ROS1: variants seen among roughly 807,000 people sequenced by gnomAD.
ROS1 encodes the protein proto-oncogene tyrosine-protein kinase ROS.
Under a neutral mutation model 273.5 loss-of-function variants are expected in ROS1, and 263 were observed. That is an observed-to-expected ratio of 0.96 (90% CI 0.87 to 1.06). The LOEUF is 1.06. Among genes scored for constraint, ROS1 ranks in the 50% least tolerant of loss-of-function variants. ROS1 has a pLI of 0.00. For missense variants in ROS1, 2,833 were observed against 2,751.1 expected, an observed-to-expected ratio of 1.03 and a Z score of -0.67; for synonymous variants, 1,008 against 954.1, an observed-to-expected ratio of 1.06 and a Z score of -1.04.
chr6:117,317,840 T>G (rs1020623495), intron 38 of ROS1, among the ~76,000 whole-genome samples: 1 of 152,156 alleles, frequency 6.6e-6, no homozygotes, highest in Non-Finnish European at 1.5e-5. Context: ...TCACTGACAT[T>G]ATAGCATTTG....
chr6:117,384,481 T>C (rs1772404516), intron 16 of ROS1, among the ~76,000 whole-genome samples: 1 of 152,212 alleles, frequency 6.6e-6, no homozygotes, highest in Admixed American at 6.5e-5. Context: ...TTCCCTACTT[T>C]GCCTTCTTTC....
Position 117,357,947 on chromosome 6 carries a change from G to A in ROS1, c.3696C>T (p.His1232=), listed in dbSNP as rs150594506. The A allele has an allele frequency of 5.0e-6, 8 of 1,613,586 alleles. No individual in the cohort carries two copies. The African/African-American group carries it at 6.7e-5, about 13-fold the overall frequency. The change falls in exon 25 of 44, where the codon CAC becomes CAT. Residue 1232 remains histidine, a synonymous_variant. Coordinates refer to ENST00000368507, the MANE Select transcript of ROS1 (RefSeq NM_001378902.1). ...TVITIDWISR[H]LYFALKESQN... is the part of the protein sequence containing the mutation. The stretch of plus-strand genomic sequence containing the variant: ...GTGATTCTTTCAGTGCAAAGTAGAG[G>A]TGCCTTGAAATCCAGTCAATTGTAA...
chr6:117,359,675 A>G, intron 24 of ROS1, 134 bp downstream of exon 24: 1 of 721,522 alleles, frequency 1.4e-6, no homozygotes, highest in Non-Finnish European at 2.3e-6. Context: ...TTGTGGCTAA[A>G]TAATTATACA....
chr6:117,327,132 A>C (rs578109800), intron 33 of ROS1, among the ~76,000 whole-genome samples: 1 of 152,214 alleles, frequency 6.6e-6, no homozygotes, highest in South Asian at 2.1e-4. Context: ...ACTTGGTGCC[A>C]ATCCACGGTA....
intron 7 of ROS1, 80 bp from the exon 8 acceptor site, chr6:117,397,196 G>A (rs529699255): frequency 1.6e-6 from 1 of 614,468 alleles, no homozygotes; most frequent in South Asian, 2.7e-5. Flanking sequence ...AAAAAGTCTT[G>A]TTTTTTTTTT....
chr6:117,342,946 CTT>C (rs945723194), intron 28 of ROS1, among the ~76,000 whole-genome samples: 12 of 152,108 alleles, frequency 7.9e-5, no homozygotes, highest in African/African-American at 2.9e-4. Flanking sequence ...AGTAAAAAGA[CTT>C]TCCTTAGACC....
In ROS1 at chr6:117,425,738, C is replaced by T. The variant is rs962745335; in HGVS notation, c.-82G>A. The T allele has an allele frequency of 6.9e-6, 10 of 1,438,924 alleles. No individual in the cohort carries two copies. The highest frequency in any genetic ancestry group is 1.9e-5 in the Admixed American group (1 of 52,926). The allele number at this position is 1,438,924 out of a possible 1,614,324, so 89.1% of individuals were successfully genotyped here. ...ATGAATTATTTGGGCTTCATCACTT[C>T]AATTGGAGGAGTAGCTGATGGATTT... On this transcript the variant is annotated 5_prime_UTR_variant, in exon 1 of 44. Coordinates refer to ENST00000368507, the MANE Select transcript of ROS1 (RefSeq NM_001378902.1).
At chr6:117,313,607 C>T (rs1363468550) in intron 39 of ROS1, among the ~76,000 whole-genome samples, 1 of 151,694 alleles carries the variant, frequency 6.6e-6, no homozygotes, top group African/African-American at 2.4e-5. Context: ...ACTTAGGAAG[C>T]TTTTGATTCA....
chr6:117,371,002 A>T (rs1378774241), intron 18 of ROS1, among the ~76,000 whole-genome samples: 3 of 152,212 alleles, frequency 2.0e-5, no homozygotes, highest in Non-Finnish European at 4.4e-5. Context: ...AAAAAGCAAC[A>T]TCCTGTATGT....
chr6:117,315,398 A>T (rs1373936007), intron 39 of ROS1, among the ~76,000 whole-genome samples: 1 of 152,154 alleles, frequency 6.6e-6, no homozygotes, highest in African/African-American at 2.4e-5. Context: ...TAGCAAAGCA[A>T]CTGTTACTTT....
intron 33 of ROS1, chr6:117,328,590 G>A (rs1776815646): frequency 2.4e-6 from 1 of 422,916 alleles, no homozygotes. Flanking sequence ...TAAAGATCAA[G>A]TTGCCAGGAC....
intron 33 of ROS1, chr6:117,328,435 T>G (rs146540424): frequency 3.2e-6 from 1 of 317,166 alleles, no homozygotes; most frequent in Non-Finnish European, 6.0e-6. Context: ...CAGGTTAGAA[T>G]GTATTTCACT....
chr6:117,309,207 C>A (rs1775349462), intron 41 of ROS1, among the ~76,000 whole-genome samples: 1 of 152,162 alleles, frequency 6.6e-6, no homozygotes, highest in Admixed American at 6.5e-5. Flanking sequence ...CACATGCATG[C>A]ACATCCACGC....
chr6:117,340,333 G>A (rs1457085350), intron 31 of ROS1, among the ~76,000 whole-genome samples: 1 of 151,966 alleles, frequency 6.6e-6, no homozygotes, highest in Non-Finnish European at 1.5e-5. Context: ...TAAACATCCT[G>A]GGGAATAACT....
chr6:117,404,220 CAAAAA>C, intron 6 of ROS1, 55 bp downstream of exon 6: 2 of 1,334,218 alleles, frequency 1.5e-6, no homozygotes, highest in South Asian at 2.6e-5. Flanking sequence ...GACTCCGTCT[CAAAAA>C]AAAAAAAAAA....
rs1326405926 is a variant in ROS1, at chr6:117,287,631, A to G, written c.*861T>C. On this transcript the variant is annotated 3_prime_UTR_variant, in exon 44 of 44. Coordinates refer to ENST00000368507, the MANE Select transcript of ROS1 (RefSeq NM_001378902.1). Reference sequence around the variant, plus strand: ...ATATTTTACAGTAGTGATTAAAGACAATATATATCGGCTAGGCATGGTGGC... The same window carrying G: ...ATATTTTACAGTAGTGATTAAAGACGATATATATCGGCTAGGCATGGTGGC... Among the ~76,000 whole-genome samples the G allele has an allele frequency of 6.6e-6, 1 of 152,202 alleles. No individual in the cohort carries two copies. The highest frequency in any genetic ancestry group is 2.4e-5 in the African/African-American group (1 of 41,444).
chr6:117,318,118 G>T (rs2128556668), intron 38 of ROS1, 70 bp downstream of exon 38: 1 of 1,050,692 alleles, frequency 9.5e-7, no homozygotes, highest in Non-Finnish European at 1.5e-6. Context: ...TGTCATTTTG[G>T]GTGTTAAAAA....
chr6:117,363,574 T>C (rs985966092), intron 21 of ROS1, among the ~76,000 whole-genome samples: 10 of 152,176 alleles, frequency 6.6e-5, no homozygotes, highest in Non-Finnish European at 1.3e-4. Flanking sequence ...TGCTATTTAA[T>C]GTTTAACACT....
intron 18 of ROS1, among the ~76,000 whole-genome samples, chr6:117,374,253 A>G (rs1263787547): frequency 6.6e-6 from 1 of 152,258 alleles, no homozygotes; most frequent in Non-Finnish European, 1.5e-5. Context: ...CTATAAGGCT[A>G]TAGTCACCAA....
Sources: gnomAD v4.1 joint callset for allele counts (sites outside exome capture counted in the v4.1 genomes callset) on GRCh38, gnomAD v4.1.1 for gene constraint, MANE v1.5 for transcripts, NCBI Gene and HGNC (gene_info 2026-07-23, HGNC 2026-07-21) for gene names.